PTPN2: variants seen among roughly 807,000 people sequenced by gnomAD.
The protein encoded by PTPN2 is tyrosine-protein phosphatase non-receptor type 2.
A neutral mutation model predicts 57.3 loss-of-function variants in PTPN2; 19 were observed. The observed-to-expected ratio is 0.33, with a 90% confidence interval of 0.23 to 0.49. PTPN2 has a LOEUF of 0.49. Ranked by LOEUF, PTPN2 falls within the 20% of genes least tolerant of loss-of-function variation. PTPN2 has a pLI of 0.99. For missense variants in PTPN2, 358 were observed against 501.1 expected, an observed-to-expected ratio of 0.71 and a Z score of 2.73; for synonymous variants, 153 against 164.9, an observed-to-expected ratio of 0.93 and a Z score of 0.55.
At chr18:12,869,525 T>C (rs929192168) in intron 1 of PTPN2, among the ~76,000 whole-genome samples, 1 of 150,588 alleles carries the variant, frequency 6.6e-6, no homozygotes, top group Admixed American at 6.6e-5. Context: ...CGGGGTGAAA[T>C]AGTTATAATA....
At chr18:12,798,498 A>C (rs2041278567) in intron 8 of PTPN2, among the ~76,000 whole-genome samples, 1 of 152,140 alleles carries the variant, frequency 6.6e-6, no homozygotes, top group South Asian at 2.1e-4. Flanking sequence ...GTTAGTAAGA[A>C]CATGGGGTAT....
chr18:12,836,720 A>G (rs916653855), intron 3 of PTPN2, 71 bp downstream of exon 3: 23 of 948,378 alleles, frequency 2.4e-5, no homozygotes, highest in Middle Eastern at 6.6e-4. Flanking sequence ...ATATACTTTT[A>G]CCTATGATTT....
intron 1 of PTPN2, 194 bp downstream of exon 1, chr18:12,883,870 CTTTTTTTTT>C (rs397959555): frequency 1.3e-5 from 5 of 388,938 alleles, no homozygotes; most frequent in Middle Eastern, 1.4e-3. Context: ...CTCAAGTATG[CTTTTTTTTT>C]TTTTTTTTTT....
intron 2 of PTPN2, among the ~76,000 whole-genome samples, chr18:12,847,821 C>T (rs1250785451): frequency 6.6e-6 from 1 of 151,148 alleles, no homozygotes; most frequent in Non-Finnish European, 1.5e-5. Context: ...GGGGTTTCAC[C>T]ATGTTGACCT....
At chr18:12,802,876 G>C (rs1033102134) in intron 7 of PTPN2, among the ~76,000 whole-genome samples, 27 of 152,080 alleles carry the variant, frequency 1.8e-4, no homozygotes, top group African/African-American at 6.3e-4. Flanking sequence ...TGCTTTGACT[G>C]GAAGCAAAAG....
At chr18:12,883,082 C>A (rs1308691822) in intron 1 of PTPN2, among the ~76,000 whole-genome samples, 1 of 152,272 alleles carries the variant, frequency 6.6e-6, no homozygotes, top group Middle Eastern at 3.4e-3. Flanking sequence ...GCTGAACAGG[C>A]ACGATTAGGG....
rs772762067 is a variant in PTPN2, at chr18:12,836,766, A to G, written c.261+25T>C. The G allele has an allele frequency of 5.0e-6, 7 of 1,397,030 alleles. No individual in the cohort carries two copies. The African/African-American group carries it at 8.5e-5, about 17-fold the overall frequency. 86.5% of individuals were successfully genotyped at this position (1,397,030 alleles called of 1,614,324 possible). ...AAGCACAAACACATCATTTTCAGAC[A>G]TTTGCGTGGTATCGTATTACTTGCC... On this transcript the variant is annotated intron_variant, in intron 3 of 8. Transcript: ENST00000309660.
At chr18:12,883,939 G>T in intron 1 of PTPN2, 134 bp downstream of exon 1, 2 of 683,272 alleles carry the variant, frequency 2.9e-6, no homozygotes, top group South Asian at 2.0e-5. Flanking sequence ...CCCTGACGCG[G>T]ACCGCGCCGC....
Position 12,825,960 on chromosome 18 carries a change from T to C in PTPN2, c.361-16A>G, listed in dbSNP as rs755475787. On this transcript the variant is annotated splice_polypyrimidine_tract_variant and intron_variant, in intron 4 of 8. Coordinates refer to ENST00000309660, the MANE Select transcript of PTPN2 (RefSeq NM_002828.4). ...CACATTTAACCTAAATTTAGAAATA[T>C]GTATATGATTTTTTTTTAGTTTATA... 14 of 1,573,242 alleles carry C rather than the reference T, an allele frequency of 8.9e-6. No homozygotes were observed. Among genetic ancestry groups the C allele is most frequent in the African/African-American group, 5.5e-5 (4 of 73,080 alleles).
Position 12,828,904 on chromosome 18 carries a change from A to AT in PTPN2, c.360+2038dup, listed in dbSNP as rs999035643. ...GCAGTCATTACAGACAGCAAAAAAAATTTTTTTTTTTTGAGACAGGGTCTC... is the reference window on the plus strand; with the variant it reads ...GCAGTCATTACAGACAGCAAAAAAAATTTTTTTTTTTTTGAGACAGGGTCTC... On this transcript the variant is annotated intron_variant, in intron 4 of 8. Coordinates refer to ENST00000309660, the MANE Select transcript of PTPN2 (RefSeq NM_002828.4). Among the ~76,000 whole-genome samples the AT allele has an allele frequency of 9.3e-3, 1,377 of 148,174 alleles. 11 individuals carry two copies. The highest frequency in any genetic ancestry group is 0.021 in the African/African-American group (842 of 40,600).
chr18:12,838,592 G>C (rs2042946736), intron 2 of PTPN2, among the ~76,000 whole-genome samples: 1 of 152,138 alleles, frequency 6.6e-6, no homozygotes, highest in Non-Finnish European at 1.5e-5. Context: ...CAGGGCACTG[G>C]GTCTGCAGGG....
rs60239177 is a variant in PTPN2 at position 12,835,382 on chromosome 18, CTTTT to C, written c.261+1405_261+1408del. On this transcript the variant is annotated intron_variant, in intron 3 of 8. Coordinates refer to ENST00000309660, the MANE Select transcript of PTPN2 (RefSeq NM_002828.4). ...CTGCAATGAACATGATCACATATGT[CTTTT>C]TTTTTTTTTTGGACAGTTTTGCTCT... is the stretch of plus-strand genomic sequence containing the variant. Among the ~76,000 whole-genome samples, 42 of 99,018 alleles carry C rather than the reference CTTTT, an allele frequency of 4.2e-4. No homozygotes were observed. The East Asian group carries it at 5.5e-3, about 13-fold the overall frequency. The allele number at this position is 99,018 out of a possible 152,430, so 65.0% of individuals were successfully genotyped here. A position where few individuals can be genotyped will look rare whatever the true frequency, so the allele number is the denominator to read the frequency against.
At chr18:12,809,423 T>TATA (rs1298561708) in intron 7 of PTPN2, among the ~76,000 whole-genome samples, 11 of 152,192 alleles carry the variant, frequency 7.2e-5, no homozygotes, top group Non-Finnish European at 1.5e-4. Context: ...AAAACGCATA[T>TATA]ATAACCTATG....
chr18:12,792,032 A>T (rs1039843732), downstream of PTPN2: 2 of 176,032 alleles, frequency 1.1e-5, no homozygotes, highest in African/African-American at 4.8e-5. Context: ...CCTGAAATGT[A>T]AGGGTCTTGG....
At chr18:12,790,701 TATC>T (rs1265102744), downstream of PTPN2, among the ~76,000 whole-genome samples, 3 of 152,246 alleles carry the variant, frequency 2.0e-5, no homozygotes, top group Admixed American at 6.5e-5. Flanking sequence ...GACTGTTTCA[TATC>T]ATAAACTGCT....
rs929363513 is a variant in PTPN2 at position 12,825,856 on chromosome 18, A to G, written c.449T>C (p.Val150Ala). The change falls in exon 5 of 9, where the codon GTG becomes GCG. Residue 150 changes from valine to alanine, a missense_variant. Val to Ala is a moderately conservative substitution (Grantham distance 64). Transcript: ENST00000309660. The part of the protein sequence containing the change: ...GFSVKLLSED[V>A]KSYYTVHLLQ... ...TAGATGTACTGTATAATACGACTTCACATCTTCTGACAAGAGCTTCACACT... is the reference window on the plus strand; with the variant it reads ...TAGATGTACTGTATAATACGACTTCGCATCTTCTGACAAGAGCTTCACACT... 1.9e-6 allele frequency: 3 copies of G among 1,611,432 alleles called. No homozygotes were observed. In the African/African-American group the frequency reaches 4.0e-5, roughly 21 times the overall value.
intron 4 of PTPN2, 54 bp downstream of exon 4, chr18:12,830,889 T>C: frequency 7.5e-7 from 1 of 1,327,638 alleles, no homozygotes; most frequent in Non-Finnish European, 1.1e-6. Flanking sequence ...AAAATCTTTA[T>C]ATGCTAATGA....
At chr18:12,841,148 G>C (rs2043030716) in intron 2 of PTPN2, among the ~76,000 whole-genome samples, 1 of 152,200 alleles carries the variant, frequency 6.6e-6, no homozygotes, top group South Asian at 2.1e-4. Context: ...GTTGCTACCT[G>C]AATAGGCCTA....
chr18:12,793,949 A>G lies in PTPN2; in HGVS notation c.*329T>C, dbSNP rs8084458. The stretch of plus-strand genomic sequence containing the variant: ...CAGGTTAAAATCCAGATAGCCTCCA[A>G]AAACAAATCCTGTGATAAAGGATAT... On this transcript the variant is annotated 3_prime_UTR_variant, in exon 9 of 9. Coordinates refer to ENST00000309660, the MANE Select transcript of PTPN2 (RefSeq NM_002828.4). 1,394 of 1,153,352 alleles carry G rather than the reference A, an allele frequency of 1.2e-3. 16 individuals are homozygous for G. The African/African-American group carries it at 0.017, about 14-fold the overall frequency. 71.4% of individuals were successfully genotyped at this position (1,153,352 alleles called of 1,614,324 possible).
Sources: allele counts gnomAD v4.1 joint callset (sites outside exome capture counted in the v4.1 genomes callset), GRCh38; gene constraint gnomAD v4.1.1; transcripts MANE v1.5; gene names NCBI Gene and HGNC (gene_info 2026-07-23, HGNC 2026-07-21).